LAMA2: variants seen among roughly 807,000 people sequenced by gnomAD.
The protein encoded by LAMA2 is laminin subunit alpha 2.
LAMA2 carries 269 observed loss-of-function variants against 364.8 expected under a neutral mutation model. That is an observed-to-expected ratio of 0.74 (90% confidence interval 0.67 to 0.82). LAMA2 has a LOEUF of 0.82. Among genes scored for constraint, LAMA2 ranks in the 40% least tolerant of loss-of-function variants. The pLI is 0.00. For synonymous variants in LAMA2, 1,379 were observed against 1,370.6 expected, an observed-to-expected ratio of 1.01 and a Z score of -0.14; for missense variants, 3,807 against 3,873.2, an observed-to-expected ratio of 0.98 and a Z score of 0.45.
chr6:129,017,470 G>T (rs539306514), intron 1 of LAMA2, among the ~76,000 whole-genome samples: 6 of 120,598 alleles, frequency 5.0e-5, no homozygotes, highest in African/African-American at 1.6e-4. Flanking sequence ...TATTATGGAA[G>T]ATAAAAGGTT....
chr6:129,378,526 T>A (rs913837516), intron 34 of LAMA2, among the ~76,000 whole-genome samples: 7 of 152,232 alleles, frequency 4.6e-5, no homozygotes, highest in African/African-American at 1.7e-4. Context: ...TAAAAATATA[T>A]CTAGATGATG....
At chr6:129,015,544 T>C (rs916831381) in intron 1 of LAMA2, among the ~76,000 whole-genome samples, 4 of 152,118 alleles carry the variant, frequency 2.6e-5, no homozygotes, top group Non-Finnish European at 5.9e-5. Context: ...TGATGATTAT[T>C]TTTATTGACC....
At chr6:129,460,459 C>T in intron 49 of LAMA2, 135 bp downstream of exon 49, 1 of 921,268 alleles carries the variant, frequency 1.1e-6, no homozygotes, top group South Asian at 1.4e-5. Context: ...GTGGAATTAC[C>T]ACAAAACTAA....
At chr6:129,339,316 G>T (rs558636424) in intron 29 of LAMA2, among the ~76,000 whole-genome samples, 1 of 152,280 alleles carries the variant, frequency 6.6e-6, no homozygotes. Context: ...GCTGACCTTG[G>T]CAATTGAGTG....
intron 58 of LAMA2, among the ~76,000 whole-genome samples, chr6:129,496,257 C>T (rs1481722543): frequency 1.3e-5 from 2 of 152,206 alleles, no homozygotes; most frequent in African/African-American, 4.8e-5. Flanking sequence ...ACCTCCACCT[C>T]CTGGGTTCAA....
Position 129,170,754 on chromosome 6 carries a change from G to T in LAMA2, c.1306+5079G>T, listed in dbSNP as rs573259146. ...TGTTGACTTTCTGTCTCGTTGATCT[G>T]TCTAATGTTGACAGTGGGGTGTTAA... On this transcript the variant is annotated intron_variant, in intron 9 of 64. Coordinates refer to ENST00000421865, the MANE Select transcript of LAMA2 (RefSeq NM_000426.4). 1.6e-4 allele frequency among the ~76,000 whole-genome samples: 25 copies of T among 152,000 alleles called. No individual in the cohort carries two copies. The East Asian group carries it at 4.6e-3, about 28-fold the overall frequency.
At chr6:129,057,613 T>C (rs1788577779) in intron 2 of LAMA2, among the ~76,000 whole-genome samples, 1 of 152,214 alleles carries the variant, frequency 6.6e-6, no homozygotes, top group Admixed American at 6.5e-5. Flanking sequence ...AAACCACTGC[T>C]GTGAGCGGAA....
chr6:129,384,834 C>G (rs377075216), intron 35 of LAMA2, among the ~76,000 whole-genome samples: 114 of 151,836 alleles, frequency 7.5e-4, no homozygotes, highest in Middle Eastern at 3.4e-3. Context: ...GATAGGGCAC[C>G]CTTTTCTAAT....
intron 20 of LAMA2, among the ~76,000 whole-genome samples, chr6:129,295,834 G>A (rs1403070427): frequency 4.6e-5 from 7 of 150,996 alleles, no homozygotes; most frequent in Admixed American, 1.3e-4. Context: ...TACATATATC[G>A]GCATAGATAT....
intron 4 of LAMA2, among the ~76,000 whole-genome samples, chr6:129,103,382 A>T (rs540009717): frequency 5.5e-4 from 84 of 152,214 alleles, no homozygotes; most frequent in Non-Finnish European, 8.4e-4. Context: ...ATCCCTAGGA[A>T]TAATATCTTA....
At chr6:129,057,745 C>T (rs912857353) in intron 2 of LAMA2, among the ~76,000 whole-genome samples, 2 of 152,052 alleles carry the variant, frequency 1.3e-5, no homozygotes, top group South Asian at 4.2e-4. Flanking sequence ...CCTCATGGTC[C>T]CCCTCTCATC....
chr6:129,158,634 C>A, intron 8 of LAMA2: 2 of 1,614,148 alleles, frequency 1.2e-6, no homozygotes, highest in South Asian at 2.2e-5. Flanking sequence ...AGCAATTATG[C>A]AGACAGCCAT....
rs1411976515 is a variant in LAMA2 at position 129,321,427 on chromosome 6, C to A, written c.4176+772C>A. 2.0e-5 allele frequency among the ~76,000 whole-genome samples: 3 copies of A among 152,272 alleles called. No homozygotes were observed. The East Asian group carries it at 5.8e-4, about 29-fold the overall frequency. Reference sequence around the variant, plus strand: ...TAAACACCAAGTCCCTGAGTAACTACCACTACACTTTCACCTCTCCCGCAG... The same window carrying A: ...TAAACACCAAGTCCCTGAGTAACTAACACTACACTTTCACCTCTCCCGCAG... On this transcript the variant is annotated intron_variant, in intron 28 of 64. Transcript: ENST00000421865.
At chr6:129,432,699 C>A (rs1450459591) in intron 41 of LAMA2, among the ~76,000 whole-genome samples, 1 of 152,126 alleles carries the variant, frequency 6.6e-6, no homozygotes, top group Non-Finnish European at 1.5e-5. Flanking sequence ...AATTTTCTTG[C>A]TGGGCAAAAG....
chr6:129,476,675 A>C (rs1406130807), intron 53 of LAMA2, among the ~76,000 whole-genome samples: 1 of 152,224 alleles, frequency 6.6e-6, no homozygotes, highest in East Asian at 1.9e-4. Context: ...GTGATAAGTC[A>C]GTCTTTCCAT....
At chr6:129,411,652 C>T (rs562158339) in intron 40 of LAMA2, among the ~76,000 whole-genome samples, 5 of 152,202 alleles carry the variant, frequency 3.3e-5, no homozygotes, top group African/African-American at 1.2e-4. Flanking sequence ...AAACTTTACT[C>T]TTATGTGACA....
intron 40 of LAMA2, among the ~76,000 whole-genome samples, chr6:129,410,309 CT>C (rs1344428439): frequency 6.7e-6 from 1 of 148,784 alleles, no homozygotes; most frequent in African/African-American, 2.5e-5. Flanking sequence ...TCCTCAACCT[CT>C]CTAGGTATGC....
intron 10 of LAMA2, among the ~76,000 whole-genome samples, chr6:129,181,372 ATTC>A (rs1349498570): frequency 1.3e-5 from 2 of 152,094 alleles, no homozygotes; most frequent in Admixed American, 6.6e-5. Flanking sequence ...CTGTGATCAT[ATTC>A]TTATCACATA....
At chr6:129,236,681 A>G (rs535860975) in intron 12 of LAMA2, among the ~76,000 whole-genome samples, 27 of 152,204 alleles carry the variant, frequency 1.8e-4, no homozygotes, top group South Asian at 4.1e-4. Context: ...CCCTATTTCT[A>G]TTCTTCCATG....
Sources: allele counts gnomAD v4.1 joint callset (sites outside exome capture counted in the v4.1 genomes callset), GRCh38; gene constraint gnomAD v4.1.1; transcripts MANE v1.5; gene names NCBI Gene and HGNC (gene_info 2026-07-23, HGNC 2026-07-21).